The following ARFIP1 variants were observed in gnomAD, a reference collection of about 807,000 sequenced individuals.
The protein encoded by ARFIP1 is ARF interacting protein 1.
ARFIP1 carries 24 observed loss-of-function variants against 42.5 expected under a neutral mutation model. That is an observed-to-expected ratio of 0.57 (90% CI 0.41 to 0.80). The LOEUF (loss-of-function observed/expected upper bound fraction) is 0.80, where lower values mean the gene tolerates loss of function less well. Ranked by LOEUF, ARFIP1 falls within the 30% of genes least tolerant of loss-of-function variation. The pLI is 0.00. For missense variants in ARFIP1, 354 were observed against 434.0 expected, an observed-to-expected ratio of 0.82 and a Z score of 1.64; for synonymous variants, 141 against 153.7, an observed-to-expected ratio of 0.92 and a Z score of 0.61.
intron 8 of ARFIP1, among the ~76,000 whole-genome samples, chr4:152,908,247 C>T (rs7662708): frequency 0.63 from 95,175 of 151,978 alleles, 29,981 homozygotes; most frequent in Admixed American, 0.72. Context: ...TTGCCAGTTA[C>T]ATATAAAGCA....
intron 1 of ARFIP1, among the ~76,000 whole-genome samples, chr4:152,794,484 T>C (rs965816784): frequency 2.0e-5 from 3 of 152,198 alleles, no homozygotes; most frequent in Non-Finnish European, 2.9e-5. Context: ...GGGTTTATGA[T>C]ATATGTCTTA....
chr4:152,829,602 C>T (rs1561127482), intron 1 of ARFIP1, 23 bp from the exon 2 acceptor site: 1 of 1,550,224 alleles, frequency 6.5e-7, no homozygotes, highest in Non-Finnish European at 8.8e-7. Context: ...AGTTACGGCG[C>T]TTTTTTTCTT....
intron 5 of ARFIP1, among the ~76,000 whole-genome samples, chr4:152,878,347 A>G (rs957718200): frequency 1.3e-5 from 2 of 152,210 alleles, no homozygotes; most frequent in Non-Finnish European, 2.9e-5. Context: ...CTGATCTCCA[A>G]TATTACATTT....
chr4:152,823,732 A>C (rs1397460084), intron 1 of ARFIP1, among the ~76,000 whole-genome samples: 1 of 142,106 alleles, frequency 7.0e-6, no homozygotes, highest in Non-Finnish European at 1.5e-5. Context: ...AGCCGAGATC[A>C]CACCACTACA....
intron 8 of ARFIP1, among the ~76,000 whole-genome samples, chr4:152,903,315 T>C (rs754407108): frequency 6.6e-6 from 1 of 152,210 alleles, no homozygotes; most frequent in Non-Finnish European, 1.5e-5. Context: ...ATTTAGAAGA[T>C]ACACTACCAA....
intron 1 of ARFIP1, among the ~76,000 whole-genome samples, chr4:152,820,237 G>A (rs1046133276): frequency 5.9e-5 from 9 of 151,980 alleles, no homozygotes; most frequent in African/African-American, 2.2e-4. Flanking sequence ...TTACCCACCT[G>A]TCTTTGCTGC....
chr4:152,794,779 T>G (rs182800357), intron 1 of ARFIP1, among the ~76,000 whole-genome samples: 3 of 152,324 alleles, frequency 2.0e-5, no homozygotes, highest in Middle Eastern at 3.4e-3. Flanking sequence ...CTCCATTTAC[T>G]TATCAGATTG....
chr4:152,845,118 T>C lies in ARFIP1; in HGVS notation c.93+15392T>C, dbSNP rs528904962. Among the ~76,000 whole-genome samples the C allele has an allele frequency of 5.3e-5, 8 of 152,278 alleles. No homozygotes were observed. The East Asian group carries it at 1.2e-3, about 22-fold the overall frequency. Reference sequence around the variant, plus strand: ...AAAATAAGCAATGAGGAAAGGACTTTCTATTCAATAAATGGTGATGGAATA... The same window carrying C: ...AAAATAAGCAATGAGGAAAGGACTTCCTATTCAATAAATGGTGATGGAATA... On this transcript the variant is annotated intron_variant, in intron 2 of 8. Transcript: ENST00000353617.
At chr4:152,889,594 AAT>A (rs35526865) in intron 8 of ARFIP1, among the ~76,000 whole-genome samples, 13,322 of 115,308 alleles carry the variant, frequency 0.12, 1,041 homozygotes, top group African/African-American at 0.14. Context: ...TATACACATA[AAT>A]ATATATATAC....
chr4:152,819,801 A>C (rs913286864), intron 1 of ARFIP1, among the ~76,000 whole-genome samples: 20 of 152,162 alleles, frequency 1.3e-4, no homozygotes, highest in African/African-American at 4.6e-4. Context: ...GTGCTCCTGA[A>C]GGGTCTTGGA....
At chr4:152,866,603 T>A (rs1734385895) in intron 3 of ARFIP1, among the ~76,000 whole-genome samples, 1 of 147,832 alleles carries the variant, frequency 6.8e-6, no homozygotes, top group Non-Finnish European at 1.5e-5. Flanking sequence ...GACCCCCACC[T>A]CTCTCCTGGA....
intron 1 of ARFIP1, among the ~76,000 whole-genome samples, chr4:152,793,289 G>A (rs970407334): frequency 6.4e-5 from 9 of 139,972 alleles, no homozygotes; most frequent in Admixed American, 6.1e-4. Flanking sequence ...TCCAGCCTGG[G>A]CAACAAGAGC....
At chr4:152,796,116 C>G (rs1731454259) in intron 1 of ARFIP1, 2 of 748,454 alleles carry the variant, frequency 2.7e-6, no homozygotes, top group African/African-American at 3.4e-5. Flanking sequence ...TTGTTGATAA[C>G]CTGGGCATAT....
At chr4:152,885,842 CCTCTTCTAATTT>C (rs1249397815) in intron 7 of ARFIP1, among the ~76,000 whole-genome samples, 5 of 151,774 alleles carry the variant, frequency 3.3e-5, no homozygotes, top group African/African-American at 4.8e-5. Flanking sequence ...TCTAGATACC[CCTCTTCTAATTT>C]GGCCATAATA....
chr4:152,811,090 C>CTT (rs5863021), intron 1 of ARFIP1, among the ~76,000 whole-genome samples: 2,273 of 74,388 alleles, frequency 0.031, 105 homozygotes, highest in African/African-American at 0.095. Context: ...AAGGTTAAGC[C>CTT]TTTTTTTTTT....
At chr4:152,827,070 A>G (rs1730894199) in intron 1 of ARFIP1, among the ~76,000 whole-genome samples, 1 of 152,214 alleles carries the variant, frequency 6.6e-6, no homozygotes, top group South Asian at 2.1e-4. Flanking sequence ...ATTTTATAAG[A>G]TGAAAAAGTT....
Position 152,865,471 on chromosome 4 carries a change from A to G in ARFIP1, c.202+1757A>G, listed in dbSNP as rs184072395. Among the ~76,000 whole-genome samples the G allele has an allele frequency of 7.5e-4, 114 of 152,250 alleles. No homozygotes were observed. In the South Asian group the frequency reaches 0.019, roughly 26 times the overall value. On this transcript the variant is annotated intron_variant, in intron 3 of 8. Coordinates refer to ENST00000353617, the MANE Select transcript of ARFIP1 (RefSeq NM_001025595.3). ...ATTTTTTATTGTACAGTTGGCCAAT[A>G]CTTTATTTAAAGAACAGTTTAGATT...
chr4:152,864,303 CA>C (rs1358068623), intron 3 of ARFIP1, among the ~76,000 whole-genome samples: 1 of 152,108 alleles, frequency 6.6e-6, no homozygotes, highest in Non-Finnish European at 1.5e-5. Flanking sequence ...ACATGTCTGC[CA>C]AATTAATATT....
At chr4:152,834,732 A>G (rs1731516868) in intron 2 of ARFIP1, among the ~76,000 whole-genome samples, 1 of 152,130 alleles carries the variant, frequency 6.6e-6, no homozygotes, top group Non-Finnish European at 1.5e-5. Context: ...TGAGATTGCA[A>G]GCTGTTGGTG....
Sources: gnomAD v4.1 joint callset for allele counts (sites outside exome capture counted in the v4.1 genomes callset) on GRCh38, gnomAD v4.1.1 for gene constraint, MANE v1.5 for transcripts, NCBI Gene and HGNC (gene_info 2026-07-23, HGNC 2026-07-21) for gene names.